Variants in PDS5B observed in about 807,000 individuals in gnomAD.
PDS5B encodes the protein sister chromatid cohesion protein PDS5 homolog B.
A neutral mutation model predicts 184.1 loss-of-function variants in PDS5B; 51 were observed. That is an observed-to-expected ratio of 0.28 (90% CI 0.22 to 0.35). The LOEUF (loss-of-function observed/expected upper bound fraction) is 0.35. Among genes scored for constraint, PDS5B ranks in the 10% least tolerant of loss-of-function variants. The pLI, the probability that PDS5B is intolerant of heterozygous loss-of-function variation, is 1.00. For synonymous variants in PDS5B, 566 were observed against 569.2 expected, an observed-to-expected ratio of 0.99 and a Z score of 0.08; for missense variants, 1,180 against 1,723.3, an observed-to-expected ratio of 0.68 and a Z score of 5.58.
chr13:32,721,676 G>C (rs1952710372), intron 19 of PDS5B, among the ~76,000 whole-genome samples: 1 of 148,770 alleles, frequency 6.7e-6, no homozygotes, highest in African/African-American at 2.5e-5. Context: ...CCACGTCCCA[G>C]ATAGTGGGCG....
rs1951813219 is a variant in PDS5B at position 32,699,744 on chromosome 13, C to T, written c.1615C>T (p.Pro539Ser). Residue 539 changes from proline (P) to serine (S), a missense_variant, in exon 16 of 35, where the codon CCT (proline) becomes TCT (serine). By Grantham distance (74) the Pro-to-Ser change is moderately conservative. This residue lies in a region of PDS5B where 475 missense variants were observed against 691.5 expected (regional missense o/e 0.69). Coordinates refer to ENST00000315596, the MANE Select transcript of PDS5B (RefSeq NM_015032.4). ...VMVITRNLPD[P>S]GKAQDFMKKF... is the part of the protein sequence containing the mutation. The stretch of plus-strand genomic sequence containing the variant: ...TTTATTTTAAGGAAATTTACCTGAT[C>T]CTGGTAAGGCTCAGGATTTCATGAA... The T allele has an allele frequency of 6.6e-7, 1 of 1,507,470 alleles. No individual in the cohort carries two copies. Among genetic ancestry groups the T allele is most frequent in the Non-Finnish European group, 8.8e-7 (1 of 1,135,668 alleles). 93.4% of individuals were successfully genotyped at this position (1,507,470 alleles called of 1,614,324 possible).
chr13:32,620,268 C>A (rs1329338044), intron 1 of PDS5B, among the ~76,000 whole-genome samples: 2 of 152,168 alleles, frequency 1.3e-5, no homozygotes, highest in Admixed American at 1.3e-4. Context: ...AGTACTATCA[C>A]CTGCAAATAA....
At chr13:32,695,301 GATT>G (rs1951670693) in intron 14 of PDS5B, among the ~76,000 whole-genome samples, 1 of 151,700 alleles carries the variant, frequency 6.6e-6, no homozygotes, top group African/African-American at 2.4e-5. Flanking sequence ...TTTTTTCTGT[GATT>G]ATTGAGTTTA....
intron 22 of PDS5B, among the ~76,000 whole-genome samples, chr13:32,742,240 A>AT (rs1238836538): frequency 6.6e-6 from 1 of 152,190 alleles, no homozygotes; most frequent in Non-Finnish European, 1.5e-5. Flanking sequence ...GAGTGGTATC[A>AT]TTTTTTAGGC....
intron 1 of PDS5B, among the ~76,000 whole-genome samples, chr13:32,612,798 C>T (rs2058163258): frequency 6.6e-6 from 1 of 152,170 alleles, no homozygotes; most frequent in Non-Finnish European, 1.5e-5. Context: ...GTAAGAAGAC[C>T]CTCATTAGAC....
chr13:32,592,167 C>T (rs1012769301), intron 1 of PDS5B, among the ~76,000 whole-genome samples: 12 of 152,156 alleles, frequency 7.9e-5, no homozygotes, highest in African/African-American at 2.9e-4. Context: ...TTCATACTGT[C>T]ATTTGGTTTT....
intron 16 of PDS5B, chr13:32,701,067 T>C (rs1407266268): frequency 4.1e-6 from 1 of 241,750 alleles, no homozygotes; most frequent in African/African-American, 2.2e-5. Flanking sequence ...TTACTTTGTT[T>C]TTATTCCAAA....
In PDS5B at chr13:32,758,234, G is replaced by C. The variant is rs746833761; in HGVS notation, c.3189+15G>C. The C allele has an allele frequency of 6.6e-7, 1 of 1,504,978 alleles. No homozygotes were observed. The highest frequency in any genetic ancestry group is 9.0e-7 in the Non-Finnish European group (1 of 1,117,280). The allele number at this position is 1,504,978 out of a possible 1,614,324, so 93.2% of individuals were successfully genotyped here. ...AAATGAATGAAGTATGTAATTCTTT[G>C]TAAATAATTATGGTTCCATATTGAT... On this transcript the variant is annotated intron_variant, in intron 27 of 34. Coordinates refer to ENST00000315596, the MANE Select transcript of PDS5B (RefSeq NM_015032.4).
At chr13:32,758,788 A>G (rs979053210) in intron 28 of PDS5B, 135 bp downstream of exon 28, 10 of 809,864 alleles carry the variant, frequency 1.2e-5, no homozygotes, top group African/African-American at 8.5e-5. Context: ...GAACCAGAAT[A>G]TGAGTCAAAC....
At position 32,764,581 on chromosome 13, in the gene PDS5B, C is replaced by G; in HGVS notation, c.3611C>G (p.Ser1204Cys). 6.3e-7 allele frequency: 1 copy of G among 1,577,836 alleles called. No individual in the cohort carries two copies. Among genetic ancestry groups the G allele is most frequent in the Non-Finnish European group, 8.7e-7 (1 of 1,152,360 alleles). Residue 1204 changes from serine to cysteine, a missense_variant, in exon 31 of 35, where the codon TCT becomes TGT. Around this residue, in one of 11 missense-constraint regions of PDS5B, gnomAD observed 465 missense variants for 497.8 expected, o/e 0.93. Coordinates refer to ENST00000315596, the MANE Select transcript of PDS5B (RefSeq NM_015032.4). ...PGKKSDKRDD[S>C]DLVRSELEKP... is the part of the protein sequence containing the mutation. The stretch of plus-strand genomic sequence containing the variant: ...AAAAAAAGTGACAAGAGAGACGACT[C>G]TGATCTTGTAAGGGTGAGATATTTG...
intron 1 of PDS5B, among the ~76,000 whole-genome samples, chr13:32,595,605 C>G (rs1254603033): frequency 3.9e-5 from 6 of 152,166 alleles, no homozygotes; most frequent in Non-Finnish European, 1.5e-5. Context: ...CATGCATTCC[C>G]TAAAAGAAGA....
chr13:32,754,135 C>T (rs1461925239), intron 25 of PDS5B, among the ~76,000 whole-genome samples: 1 of 152,132 alleles, frequency 6.6e-6, no homozygotes, highest in Non-Finnish European at 1.5e-5. Flanking sequence ...ACTCTCCTAC[C>T]TTGCTATATT....
At chr13:32,706,911 T>C (rs778836092) in intron 17 of PDS5B, 23 bp from the exon 18 acceptor site, 6 of 1,473,804 alleles carry the variant, frequency 4.1e-6, no homozygotes, top group Non-Finnish European at 5.7e-6. Flanking sequence ...TTTGAAAAAA[T>C]GACTTTTTTG....
intron 24 of PDS5B, among the ~76,000 whole-genome samples, chr13:32,752,691 G>C (rs899542966): frequency 6.6e-6 from 1 of 152,186 alleles, no homozygotes; most frequent in African/African-American, 2.4e-5. Context: ...GGAGACTAGG[G>C]GTGGGTAGTT....
chr13:32,686,534 A>G (rs929447751), intron 11 of PDS5B, among the ~76,000 whole-genome samples: 1 of 152,212 alleles, frequency 6.6e-6, no homozygotes, highest in Non-Finnish European at 1.5e-5. Context: ...CTGTAATCCC[A>G]GCACTTTAGG....
At position 32,701,458 on chromosome 13, in the gene PDS5B, T is replaced by G. The variant is rs1438882695; in HGVS notation, c.1856+20T>G. 3 of 1,382,090 alleles carry G rather than the reference T, an allele frequency of 2.2e-6. No homozygotes were observed. The highest frequency in any genetic ancestry group is 1.8e-5 in the Admixed American group (1 of 55,758). 85.6% of individuals were successfully genotyped at this position (1,382,090 alleles called of 1,614,324 possible). ...TATCAGGTATTTGTATATAAAATAC[T>G]AAGTTCTCATTGCTGTTCATTAATG... is the stretch of plus-strand genomic sequence containing the variant. On this transcript the variant is annotated intron_variant, in intron 17 of 34. Transcript: ENST00000315596.
rs527724043 is a variant in PDS5B, at chr13:32,621,878, G to A, written c.-19-26876G>A. On this transcript the variant is annotated intron_variant, in intron 1 of 34. Coordinates refer to ENST00000315596, the MANE Select transcript of PDS5B (RefSeq NM_015032.4). ...TTATGACAGAAGGTATGAGCCCCAAGCCAAAAACATTTACTGTCTGGTCTT... is the reference window on the plus strand; with the variant it reads ...TTATGACAGAAGGTATGAGCCCCAAACCAAAAACATTTACTGTCTGGTCTT... Among the ~76,000 whole-genome samples, 12 of 152,250 alleles carry A rather than the reference G, an allele frequency of 7.9e-5. No individual in the cohort carries two copies. In the South Asian group the frequency reaches 2.3e-3, roughly 29 times the overall value.
rs1332109563 is a variant in PDS5B, at chr13:32,775,848, TATC to T, written c.*800_*802del. On this transcript the variant is annotated 3_prime_UTR_variant, in exon 35 of 35. Transcript: ENST00000315596. ...ATGTACTGAATTCTTTATCCCATTTTATCATCCTTTCAGTTTTTATTAATCTAC... is the reference window on the plus strand; with the variant it reads ...ATGTACTGAATTCTTTATCCCATTTTATCCTTTCAGTTTTTATTAATCTAC... The T allele has an allele frequency of 2.4e-5, 7 of 293,458 alleles. No individual in the cohort carries two copies. Among genetic ancestry groups the T allele is most frequent in the African/African-American group, 4.5e-5 (2 of 44,482 alleles). 18.2% of individuals were successfully genotyped at this position (293,458 alleles called of 1,614,324 possible). A position where few individuals can be genotyped will look rare whatever the true frequency, so the allele number is the denominator to read the frequency against.
intron 3 of PDS5B, chr13:32,652,411 A>G (rs1411764892): frequency 2.5e-5 from 4 of 162,546 alleles, no homozygotes; most frequent in Non-Finnish European, 4.0e-5. Flanking sequence ...AAATTGTTAT[A>G]TTTGTGTTAT....
Sources: gnomAD v4.1 joint callset for allele counts (sites outside exome capture counted in the v4.1 genomes callset) on GRCh38, gnomAD v4.1.1 for gene constraint, gnomAD v4.1.1 regional missense constraint, MANE v1.5 for transcripts, NCBI Gene and HGNC (gene_info 2026-07-23, HGNC 2026-07-21) for gene names.